Variants in GALNT6 observed in about 807,000 individuals in gnomAD.
GALNT6 encodes the protein polypeptide N-acetylgalactosaminyltransferase 6, also known as GalNAc transferase 6.
GALNT6 carries 51 observed loss-of-function variants against 65.9 expected under a neutral mutation model. The observed-to-expected ratio is 0.77, with a 90% confidence interval of 0.62 to 0.98. The LOEUF (loss-of-function observed/expected upper bound fraction) is 0.98. Ranked by LOEUF, GALNT6 falls within the 50% of genes least tolerant of loss-of-function variation. The pLI is 0.00. For missense variants in GALNT6, 708 were observed against 803.3 expected, an observed-to-expected ratio of 0.88 and a Z score of 1.43; for synonymous variants, 323 against 315.1, an observed-to-expected ratio of 1.02 and a Z score of -0.26.
intron 6 of GALNT6, 91 bp downstream of exon 6, chr12:51,364,030 A>G: frequency 1.2e-6 from 1 of 841,288 alleles, no homozygotes; most frequent in South Asian, 1.4e-5. Flanking sequence ...TTGATAGAGC[A>G]CCTAACAAAT....
intron 4 of GALNT6, among the ~76,000 whole-genome samples, chr12:51,371,056 TTATTATTATTATTATTA>T (rs1327353368): frequency 8.1e-4 from 2 of 2,464 alleles, no homozygotes; most frequent in Admixed American, 0.01. Context: ...TTTTAAAAAA[TTATTATTATTATTATTA>T]TTATTATTAT....
intron 2 of GALNT6, among the ~76,000 whole-genome samples, chr12:51,390,388 T>A (rs1948026510): frequency 6.6e-6 from 1 of 152,132 alleles, no homozygotes; most frequent in Non-Finnish European, 1.5e-5. Flanking sequence ...GGTCTCGAAC[T>A]CCTGATCTCA....
chr12:51,374,842 C>T (rs1180183775), intron 4 of GALNT6, among the ~76,000 whole-genome samples: 1 of 152,212 alleles, frequency 6.6e-6, no homozygotes, highest in African/African-American at 2.4e-5. Context: ...GCCGATTATC[C>T]TCCTCCAAAG....
chr12:51,354,858 C>T (rs1428779806), intron 11 of GALNT6, among the ~76,000 whole-genome samples: 1 of 152,198 alleles, frequency 6.6e-6, no homozygotes, highest in African/African-American at 2.4e-5. Context: ...GCTCCCTTCC[C>T]TGCAGCCTCC....
intron 2 of GALNT6, among the ~76,000 whole-genome samples, chr12:51,386,078 C>T (rs899199038): frequency 5.3e-5 from 8 of 152,192 alleles, no homozygotes; most frequent in African/African-American, 1.7e-4. Context: ...AAATGATGTT[C>T]TGAATGAACT....
intron 2 of GALNT6, among the ~76,000 whole-genome samples, chr12:51,385,679 T>C (rs976014427): frequency 2.0e-5 from 3 of 152,168 alleles, no homozygotes; most frequent in African/African-American, 7.2e-5. Flanking sequence ...CTTCCCTGCT[T>C]TGCCCCCTTA....
intron 4 of GALNT6, 62 bp from the exon 5 acceptor site, chr12:51,365,641 G>T (rs529308688): frequency 1.9e-6 from 3 of 1,544,382 alleles, no homozygotes; most frequent in Non-Finnish European, 2.7e-6. Flanking sequence ...ATCCCCTGTG[G>T]GCACCAAGCT....
rs532442585 is a variant in GALNT6 at position 51,374,501 on chromosome 12, C to A, written c.664+2694G>T. On this transcript the variant is annotated intron_variant, in intron 4 of 11. Transcript: ENST00000356317. ...CCCTTCCTTCCACAGCCCTAGTCCT[C>A]TTTTCAGCATCACCCCTAACCTAGA... is the stretch of plus-strand genomic sequence containing the variant. Among the ~76,000 whole-genome samples, 6 of 152,294 alleles carry A rather than the reference C, an allele frequency of 3.9e-5. No homozygotes were observed. The East Asian group carries it at 1.2e-3, about 29-fold the overall frequency.
At chr12:51,380,637 A>G (rs1014671693) in intron 2 of GALNT6, among the ~76,000 whole-genome samples, 3 of 152,230 alleles carry the variant, frequency 2.0e-5, no homozygotes, top group African/African-American at 7.2e-5. Flanking sequence ...CTAAAAATAC[A>G]AAAATTAGCT....
At chr12:51,375,716 C>T (rs766871223) in intron 4 of GALNT6, among the ~76,000 whole-genome samples, 3 of 152,180 alleles carry the variant, frequency 2.0e-5, no homozygotes, top group Non-Finnish European at 2.9e-5. Context: ...CTCTGCCACG[C>T]CTGGCTAATT....
Position 51,387,635 on chromosome 12 carries a change from A to G in GALNT6, c.-104+3215T>C, listed in dbSNP as rs947875127. On this transcript the variant is annotated intron_variant, in intron 2 of 11. Coordinates refer to ENST00000356317, the MANE Select transcript of GALNT6 (RefSeq NM_007210.4). This position sits in a 1 kb window ranked among gnomAD's most constrained non-coding sequence, Gnocchi z 4.2. ...CACTGGAGACCCTGTAGGCCCTTCC[A>G]GGTGGGGCAGGGGTGTGCAACGGTT... Among the ~76,000 whole-genome samples, 7 of 152,300 alleles carry G rather than the reference A, an allele frequency of 4.6e-5. No individual in the cohort carries two copies. The highest frequency in any genetic ancestry group is 1.7e-4 in the African/African-American group (7 of 41,558).
chr12:51,353,075 G>T lies in GALNT6; in HGVS notation c.*1304C>A, dbSNP rs1946653731. 6.6e-6 allele frequency: 1 copy of T among 152,338 alleles called. No homozygotes were observed. The highest frequency in any genetic ancestry group is 1.5e-5 in the Non-Finnish European group (1 of 68,128). 9.4% of individuals were successfully genotyped at this position (152,338 alleles called of 1,614,324 possible). ...GTGGCGAGTGGTCTAGCGTTCTTGT[G>T]GTGCAGCGGAAGGAGCCCTGGCTCA... On this transcript the variant is annotated 3_prime_UTR_variant, in exon 12 of 12. Transcript: ENST00000356317.
At chr12:51,365,312 G>T in intron 5 of GALNT6, 118 bp downstream of exon 5, 2 of 953,362 alleles carry the variant, frequency 2.1e-6, no homozygotes, top group Non-Finnish European at 3.1e-6. Flanking sequence ...TGGGTCCCAA[G>T]CCTCCTTCAC....
rs139866151 is a variant in GALNT6 at position 51,352,519 on chromosome 12, A to G, written c.*1860T>C. ...TCCCTCTCTCAATTTCACTCATGCTACTTTGTTTTTTTAATCTACCTTTTA... is the reference window on the plus strand; with the variant it reads ...TCCCTCTCTCAATTTCACTCATGCTGCTTTGTTTTTTTAATCTACCTTTTA... On this transcript the variant is annotated 3_prime_UTR_variant, in exon 12 of 12. Transcript: ENST00000356317. The G allele has an allele frequency of 6.6e-6, 1 of 152,122 alleles. No individual in the cohort carries two copies. Among genetic ancestry groups the G allele is most frequent in the East Asian group, 1.9e-4 (1 of 5,178 alleles). 9.4% of individuals were successfully genotyped at this position (152,122 alleles called of 1,614,324 possible).
chr12:51,373,278 C>T (rs1383701730), intron 4 of GALNT6, among the ~76,000 whole-genome samples: 1 of 152,084 alleles, frequency 6.6e-6, no homozygotes, highest in African/African-American at 2.4e-5. Context: ...CATCTTGAGT[C>T]GTAGGTCCCA....
intron 6 of GALNT6, among the ~76,000 whole-genome samples, chr12:51,362,713 G>A (rs574754115): frequency 5.9e-5 from 9 of 152,324 alleles, no homozygotes; most frequent in African/African-American, 2.2e-4. Flanking sequence ...TCAGTGGAAA[G>A]TTCCAATTTC....
At chr12:51,382,232 CG>C (rs1476923432) in intron 2 of GALNT6, 2 of 152,174 alleles carry the variant, frequency 1.3e-5, no homozygotes, top group African/African-American at 4.8e-5. Context: ...CTGCAAGAGG[CG>C]GGGGACACAG....
At chr12:51,366,630 G>A (rs1947115919) in intron 4 of GALNT6, among the ~76,000 whole-genome samples, 1 of 152,106 alleles carries the variant, frequency 6.6e-6, no homozygotes, top group Admixed American at 6.6e-5. Flanking sequence ...CAGGAAACAG[G>A]CAATTCCAGG....
At chr12:51,386,594 C>T (rs1019930391) in intron 2 of GALNT6, among the ~76,000 whole-genome samples, 1 of 152,160 alleles carries the variant, frequency 6.6e-6, no homozygotes, top group Non-Finnish European at 1.5e-5. Flanking sequence ...GCAAGCAGTC[C>T]TTACCACAGC....
Sources: allele counts gnomAD v4.1 joint callset (sites outside exome capture counted in the v4.1 genomes callset), GRCh38; gene constraint gnomAD v4.1.1; non-coding constraint Gnocchi (gnomAD v3.1); transcripts MANE v1.5; gene names NCBI Gene and HGNC (gene_info 2026-07-23, HGNC 2026-07-21).